PHEX: variants seen among roughly 807,000 people sequenced by gnomAD.
The protein encoded by PHEX is phosphate regulating endopeptidase X-linked.
Under a neutral mutation model 68.0 loss-of-function variants are expected in PHEX, and 16 were observed. That is an observed-to-expected ratio of 0.24 (90% CI 0.16 to 0.36). The LOEUF is 0.36. Among genes scored for constraint, PHEX ranks in the 10% least tolerant of loss-of-function variants. PHEX has a pLI of 1.00. For synonymous variants in PHEX, 208 were observed against 205.1 expected, an observed-to-expected ratio of 1.01 and a Z score of -0.12; for missense variants, 480 against 575.5, an observed-to-expected ratio of 0.83 and a Z score of 1.70.
rs1162116037 is a variant in PHEX at position 22,221,300 on chromosome X, C to T, written c.1769-313C>T. ...CCATTTTATTTCATAATCCAGTGAA[C>T]ACTTTGGGTCAAATCAGGTGAAGAC... On this transcript the variant is annotated intron_variant, in intron 17 of 21. Transcript: ENST00000379374. Among the ~76,000 whole-genome samples, 5 of 112,276 alleles carry T rather than the reference C, an allele frequency of 4.5e-5. No individual in the cohort carries two copies. In the Admixed American group the frequency reaches 4.7e-4, roughly 11 times the overall value.
chrX:22,167,818 G>A (rs1158750073), intron 12 of PHEX, among the ~76,000 whole-genome samples: 3 of 110,970 alleles, frequency 2.7e-5, no homozygotes, highest in African/African-American at 9.8e-5. Context: ...TTTTAACCAG[G>A]TGATTTGCTT....
chrX:22,173,484 C>T (rs2147123738), intron 13 of PHEX, among the ~76,000 whole-genome samples: 1 of 111,056 alleles, frequency 9.0e-6, no homozygotes, highest in South Asian at 3.9e-4. Context: ...ACATTTTGAG[C>T]ATCACCTCAG....
chrX:22,077,644 T>C lies in PHEX; in HGVS notation c.605T>C (p.Val202Ala). The change falls in exon 5 of 22, where the codon GTG (valine) becomes GCG (alanine). Residue 202 changes from valine to alanine, a missense_variant. Val to Ala is a moderately conservative substitution (Grantham distance 64). Transcript: ENST00000379374. The part of the protein sequence containing the change: ...ATFRGQYSNS[V>A]FIRLYVSPDD... ...TTTCGTGGTCAATACAGCAATTCTG[T>C]GTTCATCCGTTTGTATGTGTCCCCT... The C allele has an allele frequency of 8.3e-7, 1 of 1,211,098 alleles. No individual in the cohort carries two copies. Among genetic ancestry groups the C allele is most frequent in the South Asian group, 1.8e-5 (1 of 56,953 alleles).
chrX:22,136,037 A>AT lies in PHEX; in HGVS notation c.1404+2429dup, dbSNP rs72378507. 7.0e-3 allele frequency among the ~76,000 whole-genome samples: 713 copies of AT among 101,372 alleles called. 8 individuals are homozygous for AT. Among genetic ancestry groups the AT allele is most frequent in the Non-Finnish European group, 8.5e-3 (425 of 49,798 alleles). The allele number at this position is 101,372 out of a possible 115,157, so 88.0% of individuals were successfully genotyped here. ...CTTTCCTGGACCCCAGAAGATGTAA[A>AT]TTTTTTTTTTTTTTTTCCCCTCAAA... On this transcript the variant is annotated intron_variant, in intron 12 of 21. Coordinates refer to ENST00000379374, the MANE Select transcript of PHEX (RefSeq NM_000444.6).
chrX:22,088,409 T>C (rs1325300752), intron 5 of PHEX, among the ~76,000 whole-genome samples: 1 of 111,729 alleles, frequency 9.0e-6, no homozygotes, highest in African/African-American at 3.3e-5. Context: ...AAAGTGGCTG[T>C]GCCATTTTGC....
At chrX:22,168,471 A>ACTTG (rs1933413238) in intron 13 of PHEX, 82 bp downstream of exon 13, 3 of 626,374 alleles carry the variant, frequency 4.8e-6, no homozygotes, top group Non-Finnish European at 8.1e-6. Context: ...AAGTCCTAGC[A>ACTTG]ATTAAAACTG....
chrX:22,086,109 A>T (rs149357293), intron 5 of PHEX, among the ~76,000 whole-genome samples: 1,624 of 111,862 alleles, frequency 0.015, 19 homozygotes, highest in Non-Finnish European at 0.024. Flanking sequence ...CCAAGATCAG[A>T]GCACTCCCAG....
At chrX:22,047,750 C>T (rs1332027686) in intron 3 of PHEX, among the ~76,000 whole-genome samples, 1 of 111,601 alleles carries the variant, frequency 9.0e-6, no homozygotes, top group Non-Finnish European at 1.9e-5. Flanking sequence ...CATACTCACA[C>T]GTGGATGCAT....
At chrX:22,131,372 C>A in intron 11 of PHEX, among the ~76,000 whole-genome samples, 1 of 112,709 alleles carries the variant, frequency 8.9e-6, no homozygotes, top group East Asian at 2.8e-4. Context: ...TCCAAAGATT[C>A]TAATGGGCAG....
At chrX:22,041,056 C>G (rs1421428456) in intron 2 of PHEX, among the ~76,000 whole-genome samples, 1 of 108,303 alleles carries the variant, frequency 9.2e-6, no homozygotes, top group East Asian at 2.9e-4. Context: ...GGATTCGATG[C>G]AGGCTGTGAA....
At chrX:22,111,041 CACAG>C (rs928422337) in intron 9 of PHEX, among the ~76,000 whole-genome samples, 4 of 112,652 alleles carry the variant, frequency 3.6e-5, no homozygotes, top group African/African-American at 1.3e-4. Context: ...GCAAACTCTA[CACAG>C]ACAGTGACCC....
intron 20 of PHEX, among the ~76,000 whole-genome samples, chrX:22,244,089 A>T (rs1163062548): frequency 1.3e-4 from 15 of 112,232 alleles, no homozygotes; most frequent in African/African-American, 4.9e-4. Flanking sequence ...TACACCATGG[A>T]ATACTATGCA....
At chrX:22,097,964 G>A in intron 8 of PHEX, 1 of 159,611 alleles carries the variant, frequency 6.3e-6, no homozygotes, top group Non-Finnish European at 1.2e-5. Context: ...GATGGGATTG[G>A]CCAGGCTGGT....
chrX:22,204,406 A>G (rs1490651077), intron 15 of PHEX, among the ~76,000 whole-genome samples: 2 of 112,186 alleles, frequency 1.8e-5, no homozygotes, highest in African/African-American at 6.5e-5. Flanking sequence ...TCTTTTCTCT[A>G]CTGAGTTTAA....
intron 5 of PHEX, among the ~76,000 whole-genome samples, chrX:22,085,761 A>G (rs6528088): frequency 0.077 from 8,546 of 111,430 alleles, 508 homozygotes; most frequent in African/African-American, 0.2. Flanking sequence ...GGTGATAAAA[A>G]GAATATGTAT....
At chrX:22,232,875 C>T (rs1935816894) in intron 20 of PHEX, among the ~76,000 whole-genome samples, 2 of 109,922 alleles carry the variant, frequency 1.8e-5, no homozygotes, top group African/African-American at 3.3e-5. Context: ...TTAGTTGATG[C>T]AGTTTCTTCA....
chrX:22,083,063 T>C (rs1929465780), intron 5 of PHEX, among the ~76,000 whole-genome samples: 1 of 111,926 alleles, frequency 8.9e-6, no homozygotes, highest in Admixed American at 9.5e-5. Context: ...AACCATCTGA[T>C]CTTTGATAAA....
chrX:22,073,105 T>C (rs1408872978), intron 3 of PHEX, among the ~76,000 whole-genome samples: 1 of 111,634 alleles, frequency 9.0e-6, no homozygotes, highest in African/African-American at 3.3e-5. Context: ...CCTGGCAGTG[T>C]CTTAGGTTAG....
chrX:22,207,202 C>G lies in PHEX; in HGVS notation c.1646-5702C>G, dbSNP rs776109124. ...CAGGTTCTTGTGGCTTTCCCAGGTG[C>G]AGATTTGAAAAAGACAGTATTACTG... On this transcript the variant is annotated intron_variant, in intron 15 of 21. Coordinates refer to ENST00000379374, the MANE Select transcript of PHEX (RefSeq NM_000444.6). Among the ~76,000 whole-genome samples the G allele has an allele frequency of 4.6e-5, 5 of 109,242 alleles. No individual in the cohort carries two copies. In the South Asian group the frequency reaches 1.9e-3, roughly 41 times the overall value. 94.9% of individuals were successfully genotyped at this position (109,242 alleles called of 115,157 possible). A position where few individuals can be genotyped will look rare whatever the true frequency, so the allele number is the denominator to read the frequency against.
Sources: gnomAD v4.1 joint callset for allele counts (sites outside exome capture counted in the v4.1 genomes callset) on GRCh38, gnomAD v4.1.1 for gene constraint, MANE v1.5 for transcripts, NCBI Gene and HGNC (gene_info 2026-07-23, HGNC 2026-07-21) for gene names.